PLCB4: variants seen among roughly 807,000 people sequenced by gnomAD.
PLCB4 encodes phospholipase C beta 4, also known as 1-phosphatidylinositol 4,5-bisphosphate phosphodiesterase beta-4.
In PLCB4, 77 loss-of-function variants were observed where a neutral mutation model predicts 178.8. The observed-to-expected ratio is 0.43, with a 90% confidence interval of 0.36 to 0.52. The LOEUF (loss-of-function observed/expected upper bound fraction) is 0.52. PLCB4 is among the 20% of genes least tolerant of loss of function. The pLI is 0.00. For synonymous variants in PLCB4, 496 were observed against 490.8 expected (o/e 1.01, Z -0.14); for missense variants, 1,024 against 1,453.4 (o/e 0.70, Z 4.80).
In PLCB4 at chr20:9,213,126, T is replaced by C. The variant is rs905966951; in HGVS notation, c.-78-4264T>C. Among the ~76,000 whole-genome samples the C allele has an allele frequency of 9.5e-4, 107 of 113,122 alleles. 7 individuals carry two copies. Among genetic ancestry groups the C allele is most frequent in the African/African-American group, 4.3e-3 (104 of 24,418 alleles). The allele number at this position is 113,122 out of a possible 152,430, so 74.2% of individuals were successfully genotyped here. Reference sequence around the variant, plus strand: ...TGTGCTTGGCTTCTCTCCGTTAGCATACTTTTTTTTTTTTTTTTTTTTTTT... The same window carrying C: ...TGTGCTTGGCTTCTCTCCGTTAGCACACTTTTTTTTTTTTTTTTTTTTTTT... On this transcript the variant is annotated intron_variant, in intron 2 of 39. Transcript: ENST00000378473.
At chr20:9,094,806 C>T (rs908459013) in intron 1 of PLCB4, among the ~76,000 whole-genome samples, 5 of 152,184 alleles carry the variant, frequency 3.3e-5, no homozygotes, top group Non-Finnish European at 5.9e-5. Flanking sequence ...GCTTAGTGTA[C>T]GTGCAGTGAC....
chr20:9,336,087 T>G (rs2148053575), intron 4 of PLCB4, among the ~76,000 whole-genome samples: 1 of 152,294 alleles, frequency 6.6e-6, no homozygotes, highest in Middle Eastern at 3.4e-3. Context: ...TTATTTGTTT[T>G]AAGGCACTGC....
chr20:9,315,307 A>G (rs2094886727), intron 4 of PLCB4, among the ~76,000 whole-genome samples: 1 of 152,196 alleles, frequency 6.6e-6, no homozygotes, highest in Non-Finnish European at 1.5e-5. Context: ...CCCTTTAACA[A>G]TTCGGAAATA....
intron 2 of PLCB4, among the ~76,000 whole-genome samples, chr20:9,186,833 G>A (rs1215524004): frequency 6.6e-6 from 1 of 152,080 alleles, no homozygotes; most frequent in Admixed American, 6.6e-5. Flanking sequence ...GAAGGTACAG[G>A]AAACCCCCAA....
rs148815082 is a variant in PLCB4 at position 9,387,409 on chromosome 20, A to G, written c.1065-54A>G. On this transcript the variant is annotated intron_variant, in intron 14 of 39. Transcript: ENST00000378473. ...TTTTGATGTCTTTCTTTTAATTTGT[A>G]TGAACACTATTTCATTGTAAAGTTT... is the stretch of plus-strand genomic sequence containing the variant. The G allele has an allele frequency of 6.3e-4, 543 of 867,564 alleles. 3 individuals are homozygous for G. The highest frequency in any genetic ancestry group is 6.0e-3 in the African/African-American group (357 of 59,144). The allele number at this position is 867,564 out of a possible 1,614,324, so 53.7% of individuals were successfully genotyped here.
intron 2 of PLCB4, among the ~76,000 whole-genome samples, chr20:9,192,581 A>C (rs2093419432): frequency 7.3e-6 from 1 of 137,768 alleles, no homozygotes; most frequent in Non-Finnish European, 1.5e-5. Context: ...GCTGGAGTGC[A>C]GTGGTGTGAT....
chr20:9,342,360 C>T (rs939816790), intron 7 of PLCB4, among the ~76,000 whole-genome samples: 1 of 152,146 alleles, frequency 6.6e-6, no homozygotes, highest in African/African-American at 2.4e-5. Flanking sequence ...GTGTTTGTGA[C>T]TCACTGAGTG....
intron 2 of PLCB4, among the ~76,000 whole-genome samples, chr20:9,132,574 G>T (rs184557532): frequency 6.6e-6 from 1 of 152,184 alleles, no homozygotes; most frequent in East Asian, 1.9e-4. Flanking sequence ...CATAAGCCTG[G>T]TGAATAAATT....
At chr20:9,351,094 C>G (rs551283139) in intron 7 of PLCB4, among the ~76,000 whole-genome samples, 3 of 151,818 alleles carry the variant, frequency 2.0e-5, no homozygotes, top group African/African-American at 7.2e-5. Flanking sequence ...CATGAGAAAG[C>G]CTTTAGACAG....
chr20:9,294,009 C>G (rs538066859), intron 3 of PLCB4, among the ~76,000 whole-genome samples: 1 of 152,256 alleles, frequency 6.6e-6, no homozygotes, highest in African/African-American at 2.4e-5. Context: ...AGGGAAGATG[C>G]TGCTTTCCAG....
intron 2 of PLCB4, among the ~76,000 whole-genome samples, chr20:9,160,767 C>A (rs545263073): frequency 6.6e-6 from 1 of 152,210 alleles, no homozygotes; most frequent in African/African-American, 2.4e-5. Flanking sequence ...AAGGGAGAAG[C>A]CTTGTGGAAA....
chr20:9,188,563 GC>G (rs2147125585), intron 2 of PLCB4, among the ~76,000 whole-genome samples: 1 of 137,886 alleles, frequency 7.3e-6, no homozygotes, highest in African/African-American at 2.9e-5. Flanking sequence ...ATTGTGGAGG[GC>G]TGTCATACAG....
chr20:9,437,077 G>A lies in PLCB4; in HGVS notation c.2689G>A (p.Val897Met), dbSNP rs1208798875. Residue 897 changes from valine to methionine, a missense_variant, in exon 30 of 40, where the codon GTG becomes ATG. Physicochemically the swap from Val to Met is conservative, Grantham distance 21 (BLOSUM62 1). Transcript: ENST00000378473. Reference protein sequence around the residue: ...KGKANTAKANVTPQSSSELRP... With the variant: ...KGKANTAKANMTPQSSSELRP... ...AAAGGCCAACACCGCCAAAGCAAAT[G>A]TGACCCCTCAGAGTAGCTCTGAGCT... The A allele has an allele frequency of 6.2e-7, 1 of 1,614,088 alleles. No individual in the cohort carries two copies. The highest frequency in any genetic ancestry group is 8.5e-7 in the Non-Finnish European group (1 of 1,179,948).
intron 25 of PLCB4, among the ~76,000 whole-genome samples, chr20:9,416,465 T>C (rs1221898301): frequency 6.6e-6 from 1 of 152,172 alleles, no homozygotes; most frequent in African/African-American, 2.4e-5. Context: ...AAATGCTGCC[T>C]GTGTCATGAA....
intron 2 of PLCB4, among the ~76,000 whole-genome samples, chr20:9,209,013 T>C (rs1335796757): frequency 6.6e-6 from 1 of 152,248 alleles, no homozygotes; most frequent in Non-Finnish European, 1.5e-5. Context: ...TACCCTGTCC[T>C]AACAAAGCAA....
chr20:9,437,383 T>G (rs549045748), intron 30 of PLCB4, among the ~76,000 whole-genome samples: 2 of 152,368 alleles, frequency 1.3e-5, no homozygotes, highest in African/African-American at 4.8e-5. Context: ...TGGACATTTC[T>G]AAATTCTCAT....
intron 2 of PLCB4, among the ~76,000 whole-genome samples, chr20:9,171,751 A>C (rs747692582): frequency 6.6e-6 from 1 of 152,214 alleles, no homozygotes; most frequent in Non-Finnish European, 1.5e-5. Flanking sequence ...ATGTAATTGG[A>C]GGCGGCAGAA....
At position 9,393,599 on chromosome 20, in the gene PLCB4, C is replaced by G. The variant is rs2038329165; in HGVS notation, c.1335C>G (p.Gly445=). Residue 445 remains glycine (G), a synonymous_variant, in exon 18 of 40, where the codon GGC becomes GGG. Transcript: ENST00000378473. Reference sequence around the variant, plus strand: ...CTGTTTCTCTCTAGCTTGAACCAGGCAGGGCTTTGCCATCCCCCAATGACC... The same window carrying G: ...CTGTTTCTCTCTAGCTTGAACCAGGGAGGGCTTTGCCATCCCCCAATGACC... ...QALESHPLEP[G]RALPSPNDLK... 6.2e-7 allele frequency: 1 copy of G among 1,607,492 alleles called. No homozygotes were observed. Among genetic ancestry groups the G allele is most frequent in the South Asian group, 1.1e-5 (1 of 90,886 alleles).
intron 1 of PLCB4, among the ~76,000 whole-genome samples, chr20:9,088,973 T>C (rs1014276068): frequency 6.6e-6 from 1 of 151,988 alleles, no homozygotes; most frequent in Admixed American, 6.6e-5. Context: ...TGATGTCATA[T>C]AATATATAAA....
Sources: gnomAD v4.1 joint callset for allele counts (sites outside exome capture counted in the v4.1 genomes callset) on GRCh38, gnomAD v4.1.1 for gene constraint, MANE v1.5 for transcripts, NCBI Gene and HGNC (gene_info 2026-07-23, HGNC 2026-07-21) for gene names.